Variants in CHD4 observed in about 807,000 individuals in gnomAD.
The protein encoded by CHD4 is chromodomain helicase DNA binding protein 4, also known as ATP-dependent chromatin remodeler CHD4.
A neutral mutation model predicts 235.5 loss-of-function variants in CHD4; 35 were observed. The ratio of observed to expected loss-of-function variants is 0.15; its 90% CI spans 0.11 to 0.20. The LOEUF (loss-of-function observed/expected upper bound fraction) is 0.20. Ranked by LOEUF, CHD4 falls within the 10% of genes least tolerant of loss-of-function variation. The pLI is 1.00. For missense variants in CHD4, 1,329 were observed against 2,432.3 expected (o/e 0.55, Z 9.54); for synonymous variants, 900 against 850.2 (o/e 1.06, Z -1.02).
In CHD4 at chr12:6,601,333, G is replaced by A. The variant is rs1322428031; in HGVS notation, c.755C>T (p.Pro252Leu). 2 of 1,614,018 alleles carry A rather than the reference G, an allele frequency of 1.2e-6. No homozygotes were observed. Among genetic ancestry groups the A allele is most frequent in the East Asian group, 2.2e-5 (1 of 44,854 alleles). The change falls in exon 6 of 40, where the codon CCT becomes CTT. Residue 252 changes from proline (P) to leucine (L), a missense_variant. This residue lies in a region of CHD4 where 160 missense variants were observed against 196.6 expected (regional missense o/e 0.81). Coordinates refer to ENST00000544040, the MANE Select transcript of CHD4 (RefSeq NM_001273.5). ...GGCCTTGCGGATAGGCACCTCCACAGGGGGAGGTGGTGGTGCAACCTCAGT... is the reference window on the plus strand; with the variant it reads ...GGCCTTGCGGATAGGCACCTCCACAAGGGGAGGTGGTGGTGCAACCTCAGT... ...TATEVAPPPP[P>L]VEVPIRKAKT...
chr12:6,587,070 TAG>T (rs1327829687), intron 25 of CHD4: 7 of 292,556 alleles, frequency 2.4e-5, no homozygotes, highest in Non-Finnish European at 4.5e-5. Context: ...GCCTTTTCTC[TAG>T]AGAGATGAGG....
At chr12:6,591,082 C>A (rs773707679) in intron 22 of CHD4, among the ~76,000 whole-genome samples, 1 of 143,114 alleles carries the variant, frequency 7.0e-6, no homozygotes, top group East Asian at 2.1e-4. Flanking sequence ...AAGATCGTGC[C>A]GCTGCACTCC....
chr12:6,603,569 G>T (rs181587159), intron 2 of CHD4, among the ~76,000 whole-genome samples: 3 of 151,644 alleles, frequency 2.0e-5, no homozygotes, highest in African/African-American at 4.8e-5. Flanking sequence ...GGGGTGGCGG[G>T]GGGGGAGACT....
chr12:6,582,630 G>T lies in CHD4; in HGVS notation c.4355C>A (p.Ser1452Ter), dbSNP rs1166928092. The T allele has an allele frequency of 6.2e-7, 1 of 1,612,732 alleles. No homozygotes were observed. Among genetic ancestry groups the T allele is most frequent in the South Asian group, 1.1e-5 (1 of 90,960 alleles). Reference protein sequence around the residue: ...QWLVRDLRGKSEKEFKAYVSL... With the variant: ...QWLVRDLRGK ...CTCAACTCACTTGAACTCTTTCTCT[G>T]ATTTGCCTCGCAGGTCTCTTACAAG... The change falls in exon 29 of 40, where the codon TCA (serine) becomes TAA (stop). Residue 1452 changes from serine (S) to a stop codon, truncating the protein, a stop_gained. Coordinates refer to ENST00000544040, the MANE Select transcript of CHD4 (RefSeq NM_001273.5). LOFTEE classifies it high-confidence loss of function.
chr12:6,582,806 A>G (rs1948218971), intron 28 of CHD4, 42 bp downstream of exon 28: 3 of 1,614,010 alleles, frequency 1.9e-6, no homozygotes, highest in Non-Finnish European at 2.5e-6. Context: ...CAAAGATGCA[A>G]TATCTGACAC....
chr12:6,586,405 T>G (rs1565608106), intron 25 of CHD4, among the ~76,000 whole-genome samples: 1 of 151,370 alleles, frequency 6.6e-6, no homozygotes, highest in Admixed American at 6.6e-5. Flanking sequence ...CATCTCAAAA[T>G]AAATAAATAA....
At chr12:6,595,478 A>G (rs1196561500) in intron 13 of CHD4, 48 bp from the exon 14 acceptor site, 1 of 1,551,062 alleles carries the variant, frequency 6.4e-7, no homozygotes, top group East Asian at 2.3e-5. Context: ...TTTTCTATAG[A>G]AGAAACAACT....
chr12:6,577,404 A>G (rs1948089187), intron 37 of CHD4, among the ~76,000 whole-genome samples: 1 of 144,104 alleles, frequency 6.9e-6, no homozygotes, highest in Admixed American at 7.2e-5. Context: ...CCTGGGCGAC[A>G]GAGATTCTGC....
chr12:6,570,574 G>A lies in CHD4; in HGVS notation c.*102C>T. 7.0e-7 allele frequency: 1 copy of A among 1,426,306 alleles called. No homozygotes were observed. Among genetic ancestry groups the A allele is most frequent in the East Asian group, 2.3e-5 (1 of 43,920 alleles). 88.4% of individuals were successfully genotyped at this position (1,426,306 alleles called of 1,614,324 possible). A position where few individuals can be genotyped will look rare whatever the true frequency, so the allele number is the denominator to read the frequency against. ...TCCTTTACAACATGGAAGATGGGCA[G>A]AAGGAAGGTGAGGGTCTCTCAGGCC... On this transcript the variant is annotated 3_prime_UTR_variant, in exon 40 of 40. Coordinates refer to ENST00000544040, the MANE Select transcript of CHD4 (RefSeq NM_001273.5).
chr12:6,575,319 ATGCC>A (rs1948050191), intron 37 of CHD4, among the ~76,000 whole-genome samples: 1 of 152,052 alleles, frequency 6.6e-6, no homozygotes, highest in South Asian at 2.1e-4. Flanking sequence ...ATGGTGGTAC[ATGCC>A]TGTAATCCCA....
At chr12:6,571,304 CTT>C (rs1426632335) in intron 38 of CHD4, 2 of 369,182 alleles carry the variant, frequency 5.4e-6, no homozygotes, top group Non-Finnish European at 9.8e-6. Context: ...CGTTTTTTCT[CTT>C]CTCTACCTTC....
In CHD4 at chr12:6,593,364, A is replaced by G; in HGVS notation, c.2514+52T>C. The stretch of plus-strand genomic sequence containing the variant: ...GGACCAGATCACAAGGAGGTAAACT[A>G]AGCCAGAAGCCACAACTCTTTCTCT... On this transcript the variant is annotated intron_variant, in intron 16 of 39. Transcript: ENST00000544040. This position sits in a 1 kb window ranked among gnomAD's most constrained non-coding sequence, Gnocchi z 4.9. The G allele has an allele frequency of 6.2e-7, 1 of 1,604,894 alleles. No homozygotes were observed. Among genetic ancestry groups the G allele is most frequent in the Non-Finnish European group, 8.5e-7 (1 of 1,172,820 alleles).
chr12:6,599,023 C>T (rs1948545134), intron 10 of CHD4, among the ~76,000 whole-genome samples: 2 of 152,212 alleles, frequency 1.3e-5, no homozygotes, highest in African/African-American at 4.8e-5. Context: ...CTCCTATCTG[C>T]TTAACAGAGC....
chr12:6,606,363 C>A lies in CHD4; in HGVS notation c.11G>T (p.Gly4Val). 3 of 1,570,288 alleles carry A rather than the reference C, an allele frequency of 1.9e-6. No homozygotes were observed. The highest frequency in any genetic ancestry group is 2.6e-6 in the Non-Finnish European group (3 of 1,161,844). Reference protein sequence around the residue: MASGLGSPSPCSAG... With the variant: MASVLGSPSPCSAG... Reference sequence around the variant, plus strand: ...CGAGCAGGGGGACGGGGAGCCCAGGCCCGACGCCATCCCCTTCCGCTCCCG... The same window carrying A: ...CGAGCAGGGGGACGGGGAGCCCAGGACCGACGCCATCCCCTTCCGCTCCCG... The change falls in exon 2 of 40, where the codon GGC becomes GTC. Residue 4 changes from glycine (G) to valine (V), a missense_variant. Physicochemically the swap from Gly to Val is moderately radical, Grantham distance 109. Transcript: ENST00000544040.
chr12:6,576,293 G>C (rs1332041702), intron 37 of CHD4, among the ~76,000 whole-genome samples: 1 of 152,070 alleles, frequency 6.6e-6, no homozygotes, highest in East Asian at 1.9e-4. Context: ...GGAGGCAGAG[G>C]TTGCAGTGAG....
rs1258471981 is a variant in CHD4, at chr12:6,580,033, G to A, written c.4909+1011C>T. 6.1e-5 allele frequency among the ~76,000 whole-genome samples: 9 copies of A among 148,052 alleles called. No homozygotes were observed. The South Asian group carries it at 1.7e-3, about 28-fold the overall frequency. On this transcript the variant is annotated intron_variant, in intron 33 of 39. Transcript: ENST00000544040. ...ATGGCGCCACTGCACTCAAGCCTGG[G>A]CGACAAAGCGAGACTCCGTCTCAAA... is the stretch of plus-strand genomic sequence containing the variant.
At chr12:6,582,072 G>A (rs1439372280) in intron 30 of CHD4, 65 bp downstream of exon 30, 2 of 1,469,462 alleles carry the variant, frequency 1.4e-6, no homozygotes, top group African/African-American at 1.4e-5. Context: ...CAAAGTGCTG[G>A]GATTACAGGT....
intron 25 of CHD4, chr12:6,583,952 A>G (rs1948238509): frequency 6.6e-6 from 1 of 152,178 alleles, no homozygotes; most frequent in Non-Finnish European, 1.5e-5. Context: ...CATCCCTTAT[A>G]TTGGAATTAA....
intron 37 of CHD4, among the ~76,000 whole-genome samples, chr12:6,575,732 G>A (rs1161040283): frequency 6.6e-6 from 1 of 152,036 alleles, no homozygotes; most frequent in Non-Finnish European, 1.5e-5. Flanking sequence ...TAACGATAGC[G>A]TAAAGTCCAA....
Sources: allele counts gnomAD v4.1 joint callset (sites outside exome capture counted in the v4.1 genomes callset), GRCh38; gene constraint gnomAD v4.1.1; regional missense constraint gnomAD v4.1.1; non-coding constraint Gnocchi (gnomAD v3.1); transcripts MANE v1.5; gene names NCBI Gene and HGNC (gene_info 2026-07-23, HGNC 2026-07-21).